Variants in CPEB1 observed in about 807,000 individuals in gnomAD.
CPEB1 encodes cytoplasmic polyadenylation element binding protein 1, also known as cytoplasmic polyadenylation element-binding protein 1.
Under a neutral mutation model 65.8 loss-of-function variants are expected in CPEB1, and 7 were observed. That is an observed-to-expected ratio of 0.11 (90% CI 0.06 to 0.20). The LOEUF is 0.20. CPEB1 is among the 10% of genes least tolerant of loss of function. CPEB1 has a pLI of 1.00. For missense variants in CPEB1, 551 were observed against 712.2 expected (o/e 0.77, Z 2.58); for synonymous variants, 262 against 260.0 (o/e 1.01, Z -0.08).
chr15:82,619,268 C>A (rs1157346448), intron 3 of CPEB1, among the ~76,000 whole-genome samples: 1 of 152,112 alleles, frequency 6.6e-6, no homozygotes, highest in East Asian at 1.9e-4. Context: ...ATTAATCTTC[C>A]CCTTCTTATA....
chr15:82,586,505 T>A (rs931064272), intron 3 of CPEB1, among the ~76,000 whole-genome samples: 3 of 152,196 alleles, frequency 2.0e-5, no homozygotes, highest in Non-Finnish European at 4.4e-5. Flanking sequence ...TAAAAAAAAT[T>A]ACATAAAATA....
intron 1 of CPEB1, among the ~76,000 whole-genome samples, chr15:82,636,983 TA>T (rs2046715466): frequency 1.3e-5 from 2 of 152,086 alleles, no homozygotes; most frequent in South Asian, 2.1e-4. Flanking sequence ...TCTTCATCAA[TA>T]AAAAAACAAA....
intron 5 of CPEB1, among the ~76,000 whole-genome samples, chr15:82,557,076 C>T (rs949984738): frequency 6.6e-6 from 1 of 152,220 alleles, no homozygotes; most frequent in African/African-American, 2.4e-5. Context: ...CCTGTATTTA[C>T]TTCTACTATC....
intron 3 of CPEB1, among the ~76,000 whole-genome samples, chr15:82,584,716 A>G (rs2041615775): frequency 6.6e-6 from 1 of 151,426 alleles, no homozygotes; most frequent in Admixed American, 6.6e-5. Context: ...GCATCTATCT[A>G]CACAGTAAAA....
chr15:82,619,357 C>T (rs1028920595), intron 3 of CPEB1, among the ~76,000 whole-genome samples: 21 of 152,178 alleles, frequency 1.4e-4, no homozygotes, highest in African/African-American at 5.1e-4. Context: ...GAAACATATA[C>T]TACCTTCATG....
chr15:82,585,649 C>G (rs962385909), intron 3 of CPEB1, among the ~76,000 whole-genome samples: 6 of 152,164 alleles, frequency 3.9e-5, no homozygotes, highest in Non-Finnish European at 8.8e-5. Context: ...AACCCGAGCC[C>G]TTCCCCCACC....
chr15:82,547,028 A>T, intron 11 of CPEB1, 115 bp downstream of exon 11: 1 of 692,878 alleles, frequency 1.4e-6, no homozygotes, highest in Non-Finnish European at 2.5e-6. Flanking sequence ...AATTTGGCTC[A>T]CTTCCCTAAA....
rs763592610 is a variant in CPEB1, at chr15:82,552,453, T to C, written c.1281+27A>G. On this transcript the variant is annotated intron_variant, in intron 9 of 12. Transcript: ENST00000684509. Reference sequence around the variant, plus strand: ...TGCCTCAATATTCCAAGACCCTCGATCCAGAAAGGACATCACGCTAACTCA... The same window carrying C: ...TGCCTCAATATTCCAAGACCCTCGACCCAGAAAGGACATCACGCTAACTCA... 3 of 1,520,926 alleles carry C rather than the reference T, an allele frequency of 2.0e-6. No individual in the cohort carries two copies. In the East Asian group the frequency reaches 7.2e-5, roughly 37 times the overall value. 94.2% of individuals were successfully genotyped at this position (1,520,926 alleles called of 1,614,324 possible). A position where few individuals can be genotyped will look rare whatever the true frequency, so the allele number is the denominator to read the frequency against.
chr15:82,640,224 A>G lies in CPEB1; in HGVS notation c.-98+6913T>C, dbSNP rs566060214. Among the ~76,000 whole-genome samples, 263 of 152,286 alleles carry G rather than the reference A, an allele frequency of 1.7e-3. 1 individual carries two copies. The highest frequency in any genetic ancestry group is 2.2e-3 in the Non-Finnish European group (148 of 68,016). On this transcript the variant is annotated intron_variant, in intron 1 of 12. Coordinates refer to ENST00000684509, the MANE Select transcript of CPEB1 (RefSeq NM_001365242.1). ...AGACCAGAATTGAACTCCTAGGCTC[A>G]AGGGATTCTCCTGCCTCAGCCTCCC...
chr15:82,564,046 A>G (rs1426654674), intron 4 of CPEB1, among the ~76,000 whole-genome samples: 1 of 152,206 alleles, frequency 6.6e-6, no homozygotes, highest in African/African-American at 2.4e-5. Context: ...ATCTGCATAG[A>G]TATTTGCAGG....
upstream of CPEB1, chr15:82,648,372 G>C (rs932271711): frequency 6.5e-6 from 1 of 152,912 alleles, no homozygotes; most frequent in Non-Finnish European, 1.5e-5. Context: ...GATCTCTCCA[G>C]GGCGAGAGCC....
chr15:82,558,955 T>G (rs993269613), intron 4 of CPEB1, among the ~76,000 whole-genome samples: 3 of 18,940 alleles, frequency 1.6e-4, no homozygotes, highest in African/African-American at 8.1e-4. Context: ...AATTTGAAGT[T>G]TTTTTTTTTT....
intron 7 of CPEB1, 145 bp downstream of exon 7, chr15:82,553,733 G>T: frequency 2.7e-6 from 2 of 751,452 alleles, no homozygotes; most frequent in Non-Finnish European, 4.6e-6. Flanking sequence ...GGGGGTCTAT[G>T]AAATGCACCT....
chr15:82,615,939 T>C (rs970102599), intron 3 of CPEB1, among the ~76,000 whole-genome samples: 2 of 152,134 alleles, frequency 1.3e-5, no homozygotes, highest in East Asian at 1.9e-4. Flanking sequence ...TTTACCTAAA[T>C]ACAGCAAAAA....
At chr15:82,547,289 CTTTTTTTTTTT>C (rs71156035) in intron 10 of CPEB1, 52 bp from the exon 11 acceptor site, 110 of 390,400 alleles carry the variant, frequency 2.8e-4, no homozygotes, top group South Asian at 2.2e-3. Context: ...CCAAATGCTA[CTTTTTTTTTTT>C]TTTTTTTTTT....
chr15:82,614,848 A>AGTGTGT (rs752486940), intron 3 of CPEB1, among the ~76,000 whole-genome samples: 83 of 143,998 alleles, frequency 5.8e-4, no homozygotes, highest in East Asian at 1.2e-3. Context: ...TTAAAATATA[A>AGTGTGT]GTGTGTGTGT....
chr15:82,612,502 A>C (rs1192804593), intron 3 of CPEB1, among the ~76,000 whole-genome samples: 2 of 121,648 alleles, frequency 1.6e-5, no homozygotes, highest in Non-Finnish European at 3.5e-5. Flanking sequence ...GTCCAAAAAA[A>C]AAAAAACAAA....
intron 3 of CPEB1, among the ~76,000 whole-genome samples, chr15:82,605,587 A>G (rs2043504501): frequency 6.6e-6 from 1 of 152,220 alleles, no homozygotes; most frequent in Non-Finnish European, 1.5e-5. Flanking sequence ...GGTAATGAAT[A>G]TATTAGCTTT....
Position 82,627,290 on chromosome 15 carries a change from A to G in CPEB1, c.174T>C (p.Asn58=). ...ATATGGCATTTATCCTTCGAAAGAT[A>G]TTGGCATTACTACACGTGGAGAGAG... is the stretch of plus-strand genomic sequence containing the variant. ...APALSTCSNA[N]IFRRINAILD... The change falls in exon 3 of 13, where the codon AAT becomes AAC. Residue 58 remains asparagine (N), a synonymous_variant. Transcript: ENST00000684509. 1 of 1,613,866 alleles carries G rather than the reference A, an allele frequency of 6.2e-7. No individual in the cohort carries two copies. The highest frequency in any genetic ancestry group is 8.5e-7 in the Non-Finnish European group (1 of 1,179,776).
Sources: gnomAD v4.1 joint callset for allele counts (sites outside exome capture counted in the v4.1 genomes callset) on GRCh38, gnomAD v4.1.1 for gene constraint, MANE v1.5 for transcripts, NCBI Gene and HGNC (gene_info 2026-07-23, HGNC 2026-07-21) for gene names.